MAP4K3: variants seen among roughly 807,000 people sequenced by gnomAD.
MAP4K3 encodes the protein mitogen-activated protein kinase kinase kinase kinase 3, also known as MAPK/ERK kinase kinase kinase 3.
In MAP4K3, 94 loss-of-function variants were observed where a neutral mutation model predicts 143.5. That is an observed-to-expected ratio of 0.65 (90% confidence interval 0.55 to 0.78). The LOEUF (loss-of-function observed/expected upper bound fraction) is 0.78. Among genes scored for constraint, MAP4K3 ranks in the 30% least tolerant of loss-of-function variants. MAP4K3 has a pLI of 0.00. For missense variants in MAP4K3, 1,077 were observed against 1,068.1 expected (o/e 1.01, Z -0.12); for synonymous variants, 416 against 347.2 (o/e 1.20, Z -2.20).
chr2:39,335,216 A>C (rs1156768282), intron 6 of MAP4K3, among the ~76,000 whole-genome samples: 1 of 152,204 alleles, frequency 6.6e-6, no homozygotes, highest in African/African-American at 2.4e-5. Context: ...ACAATGGGAA[A>C]GCAATGGTGG....
At chr2:39,299,634 T>A in intron 16 of MAP4K3, 109 bp downstream of exon 16, 1 of 501,122 alleles carries the variant, frequency 2.0e-6, no homozygotes, top group Non-Finnish European at 3.4e-6. Flanking sequence ...TATTGTAAAA[T>A]ATATCTACCA....
chr2:39,299,917 C>G, intron 15 of MAP4K3, 116 bp from the exon 16 acceptor site: 1 of 396,764 alleles, frequency 2.5e-6, no homozygotes. Flanking sequence ...CCAAATAAAT[C>G]TGTATTGCTA....
chr2:39,314,485 A>C (rs1253593853), intron 13 of MAP4K3, among the ~76,000 whole-genome samples: 1 of 152,236 alleles, frequency 6.6e-6, no homozygotes, highest in African/African-American at 2.4e-5. Context: ...TGACTTCAGC[A>C]GGAGCTTTAA....
At chr2:39,404,747 G>A (rs1414397849) in intron 1 of MAP4K3, among the ~76,000 whole-genome samples, 4 of 150,770 alleles carry the variant, frequency 2.7e-5, no homozygotes, top group South Asian at 2.1e-4. Flanking sequence ...TCAGCTTCCT[G>A]AGTAGCTGGG....
chr2:39,291,883 G>C (rs1157790551), intron 18 of MAP4K3, among the ~76,000 whole-genome samples: 6 of 151,948 alleles, frequency 3.9e-5, no homozygotes, highest in Non-Finnish European at 8.8e-5. Flanking sequence ...TTTCTCAAAA[G>C]AAAGAAAGAA....
At chr2:39,404,735 C>CCTCAG (rs1377941118) in intron 1 of MAP4K3, among the ~76,000 whole-genome samples, 1 of 151,450 alleles carries the variant, frequency 6.6e-6, no homozygotes, top group East Asian at 1.9e-4. Flanking sequence ...GATTCTCCTG[C>CCTCAG]CTCAGCTTCC....
At chr2:39,317,988 T>C (rs1340253641) in intron 12 of MAP4K3, among the ~76,000 whole-genome samples, 9 of 151,892 alleles carry the variant, frequency 5.9e-5, no homozygotes, top group African/African-American at 2.2e-4. Context: ...CAAAACACAA[T>C]AGCAAAGATA....
intron 15 of MAP4K3, chr2:39,303,078 TGA>T (rs1682568817): frequency 6.0e-6 from 1 of 166,924 alleles, no homozygotes; most frequent in Non-Finnish European, 1.5e-5. Context: ...CTATACCTGA[TGA>T]GAAAGCAGCA....
At chr2:39,436,233 C>CT (rs1665469628) in intron 1 of MAP4K3, among the ~76,000 whole-genome samples, 1 of 151,882 alleles carries the variant, frequency 6.6e-6, no homozygotes, top group Admixed American at 6.6e-5. Flanking sequence ...AGTACCTTCC[C>CT]TAAGTATTCA....
intron 2 of MAP4K3, among the ~76,000 whole-genome samples, chr2:39,362,586 T>G (rs1266300589): frequency 1.3e-5 from 2 of 152,206 alleles, no homozygotes; most frequent in Non-Finnish European, 1.5e-5. Flanking sequence ...GCCATGTTTA[T>G]GGACTGAAAG....
intron 1 of MAP4K3, among the ~76,000 whole-genome samples, chr2:39,388,854 T>C (rs908325381): frequency 6.6e-6 from 1 of 152,144 alleles, no homozygotes; most frequent in African/African-American, 2.4e-5. Flanking sequence ...TATCTGTAGA[T>C]AAACACATCT....
intron 1 of MAP4K3, among the ~76,000 whole-genome samples, chr2:39,417,487 G>T (rs1223107340): frequency 1.3e-5 from 2 of 151,498 alleles, no homozygotes; most frequent in Admixed American, 1.3e-4. Flanking sequence ...CAAAGTGCTG[G>T]GATTACAGGC....
At chr2:39,409,651 G>A (rs954881488) in intron 1 of MAP4K3, among the ~76,000 whole-genome samples, 4 of 152,060 alleles carry the variant, frequency 2.6e-5, no homozygotes, top group Non-Finnish European at 2.9e-5. Context: ...AACAGAAATC[G>A]GAAGAGAAAA....
intron 1 of MAP4K3, among the ~76,000 whole-genome samples, chr2:39,432,584 A>T (rs1309762421): frequency 6.6e-6 from 1 of 152,214 alleles, no homozygotes; most frequent in Admixed American, 6.5e-5. Context: ...CTAAATGCTT[A>T]AGGTCTTCAT....
chr2:39,334,001 T>TGTG (rs759958395), intron 6 of MAP4K3, among the ~76,000 whole-genome samples: 26 of 79,928 alleles, frequency 3.3e-4, no homozygotes, highest in Admixed American at 1.1e-3. Flanking sequence ...GTGTGTGTGT[T>TGTG]TTTAAAAGAA....
chr2:39,314,074 G>T (rs1211651168), intron 13 of MAP4K3, among the ~76,000 whole-genome samples: 1 of 151,952 alleles, frequency 6.6e-6, no homozygotes, highest in African/African-American at 2.4e-5. Context: ...TCTTTGCCCA[G>T]GCTGGAGTGC....
At chr2:39,387,782 T>A (rs571132692) in intron 1 of MAP4K3, among the ~76,000 whole-genome samples, 1 of 152,384 alleles carries the variant, frequency 6.6e-6, no homozygotes, top group African/African-American at 2.4e-5. Flanking sequence ...GTGTATCATG[T>A]ATCTTTACAA....
At chr2:39,345,339 C>A (rs940622201) in intron 3 of MAP4K3, among the ~76,000 whole-genome samples, 9 of 151,960 alleles carry the variant, frequency 5.9e-5, no homozygotes, top group African/African-American at 2.2e-4. Flanking sequence ...ATTATTTGAG[C>A]CCAGGAGTTC....
chr2:39,330,660 G>C (rs1055415790), intron 8 of MAP4K3, among the ~76,000 whole-genome samples: 13 of 151,948 alleles, frequency 8.6e-5, no homozygotes, highest in South Asian at 4.2e-4. Context: ...CAAAAATAAA[G>C]CAACAACAAC....
Sources: allele counts gnomAD v4.1 joint callset (sites outside exome capture counted in the v4.1 genomes callset), GRCh38; gene constraint gnomAD v4.1.1; transcripts MANE v1.5; gene names NCBI Gene and HGNC (gene_info 2026-07-23, HGNC 2026-07-21).